Variants in DNM3 observed in about 807,000 individuals in gnomAD.
The protein encoded by DNM3 is dynamin-3.
A neutral mutation model predicts 101.6 loss-of-function variants in DNM3; 47 were observed. The observed-to-expected ratio is 0.46, with a 90% confidence interval of 0.37 to 0.59. The LOEUF (loss-of-function observed/expected upper bound fraction) is 0.59, where lower values mean the gene tolerates loss of function less well. Among genes scored for constraint, DNM3 ranks in the 20% least tolerant of loss-of-function variants. The pLI is 0.00. For synonymous variants in DNM3, 385 were observed against 387.9 expected (o/e 0.99, Z 0.09); for missense variants, 849 against 1,085.7 (o/e 0.78, Z 3.06).
chr1:172,020,712 A>C (rs1480588507), intron 4 of DNM3, among the ~76,000 whole-genome samples: 4 of 104,868 alleles, frequency 3.8e-5, no homozygotes, highest in Admixed American at 1.1e-4. Context: ...CGACAGTGTG[A>C]GACTCCGTCA....
intron 14 of DNM3, among the ~76,000 whole-genome samples, chr1:172,249,040 G>A (rs2062065737): frequency 6.6e-6 from 1 of 152,166 alleles, no homozygotes; most frequent in Admixed American, 6.5e-5. Context: ...TTCAAGTTAT[G>A]AAACTCCCTA....
At chr1:171,968,449 A>C (rs1051223078) in intron 2 of DNM3, among the ~76,000 whole-genome samples, 11 of 152,236 alleles carry the variant, frequency 7.2e-5, no homozygotes, top group African/African-American at 2.4e-4. Flanking sequence ...GAAGGCAGAA[A>C]CGGAAAACCA....
intron 15 of DNM3, among the ~76,000 whole-genome samples, chr1:172,285,455 T>C (rs1043217518): frequency 2.0e-5 from 3 of 152,088 alleles, no homozygotes; most frequent in Non-Finnish European, 4.4e-5. Flanking sequence ...GTTGGTGATT[T>C]CCCTGGGTGG....
intron 15 of DNM3, among the ~76,000 whole-genome samples, chr1:172,274,871 C>T (rs948633221): frequency 2.6e-5 from 4 of 151,896 alleles, no homozygotes; most frequent in Non-Finnish European, 5.9e-5. Context: ...ACAAGACAGA[C>T]TAGTCCACTG....
chr1:172,201,841 TG>T (rs1056363887), intron 14 of DNM3, among the ~76,000 whole-genome samples: 3 of 152,118 alleles, frequency 2.0e-5, no homozygotes, highest in Non-Finnish European at 4.4e-5. Flanking sequence ...TGAGGAGATA[TG>T]GGAACGGACA....
chr1:172,038,272 T>C (rs1297641903), intron 6 of DNM3, 47 bp from the exon 7 acceptor site: 4 of 1,607,488 alleles, frequency 2.5e-6, no homozygotes, highest in Non-Finnish European at 3.4e-6. Flanking sequence ...TTAATCTGTG[T>C]ATATGATTCA....
chr1:171,909,334 G>C (rs2039094630), intron 1 of DNM3, among the ~76,000 whole-genome samples: 1 of 151,940 alleles, frequency 6.6e-6, no homozygotes, highest in South Asian at 2.1e-4. Flanking sequence ...TTGGGAGGCT[G>C]AGGTGGGAGA....
intron 15 of DNM3, among the ~76,000 whole-genome samples, chr1:172,262,991 G>T (rs79230442): frequency 1.3e-5 from 2 of 152,080 alleles, no homozygotes; most frequent in Non-Finnish European, 2.9e-5. Context: ...CGGGGAGGAG[G>T]CAATTGATAA....
chr1:172,120,923 T>G (rs867157600), intron 13 of DNM3, among the ~76,000 whole-genome samples: 13 of 152,198 alleles, frequency 8.5e-5, no homozygotes, highest in African/African-American at 3.1e-4. Context: ...ACCTCTAAGG[T>G]GCTCACTAAC....
intron 1 of DNM3, among the ~76,000 whole-genome samples, chr1:171,883,345 TA>T (rs576707036): frequency 7.0e-6 from 1 of 143,870 alleles, no homozygotes; most frequent in African/African-American, 2.6e-5. Flanking sequence ...ACTCCATCTC[TA>T]AAAAAACAAA....
intron 6 of DNM3, among the ~76,000 whole-genome samples, chr1:172,037,013 T>C (rs2049019896): frequency 6.6e-6 from 1 of 152,134 alleles, no homozygotes; most frequent in South Asian, 2.1e-4. Flanking sequence ...AAAGAAGAGA[T>C]TTATGCAGCC....
intron 20 of DNM3, among the ~76,000 whole-genome samples, chr1:172,391,763 A>T (rs1297711281): frequency 6.6e-6 from 1 of 151,484 alleles, no homozygotes; most frequent in Admixed American, 6.6e-5. Flanking sequence ...CTCCTCTTGT[A>T]TCTGAAACCA....
chr1:172,308,706 T>A (rs1213572763), intron 15 of DNM3, 22 bp from the exon 16 acceptor site: 13 of 177,614 alleles, frequency 7.3e-5, no homozygotes, highest in Non-Finnish European at 1.1e-4. Context: ...AAAAGCATGA[T>A]TTTTTTTTTT....
chr1:172,152,672 G>A (rs1039417699), intron 14 of DNM3, among the ~76,000 whole-genome samples: 3 of 152,096 alleles, frequency 2.0e-5, no homozygotes, highest in Non-Finnish European at 4.4e-5. Flanking sequence ...TTTGTCCTGT[G>A]TATGTATATG....
chr1:172,401,894 G>A (rs938062465), intron 20 of DNM3, among the ~76,000 whole-genome samples: 14 of 152,044 alleles, frequency 9.2e-5, no homozygotes, highest in South Asian at 4.1e-4. Flanking sequence ...CAAATACATC[G>A]CTGAAATTTA....
intron 13 of DNM3, among the ~76,000 whole-genome samples, chr1:172,101,989 G>A (rs1054346388): frequency 1.1e-4 from 16 of 152,132 alleles, no homozygotes; most frequent in South Asian, 4.2e-4. Context: ...CTCCTGGGCA[G>A]CTGGAATTAC....
chr1:172,163,626 C>T (rs1055192357), intron 14 of DNM3, among the ~76,000 whole-genome samples: 9 of 151,944 alleles, frequency 5.9e-5, no homozygotes, highest in African/African-American at 2.2e-4. Flanking sequence ...CTTTGAGCAA[C>T]ACTTCCCCAT....
intron 17 of DNM3, among the ~76,000 whole-genome samples, chr1:172,353,183 A>C (rs1193586898): frequency 6.6e-6 from 1 of 152,078 alleles, no homozygotes; most frequent in Non-Finnish European, 1.5e-5. Flanking sequence ...AGATGCTGTC[A>C]TTTATTCTAT....
intron 11 of DNM3, among the ~76,000 whole-genome samples, chr1:172,074,399 G>T (rs2052462195): frequency 6.6e-6 from 1 of 152,076 alleles, no homozygotes. Flanking sequence ...ACGCGCCATG[G>T]TGGTTTGCTG....
Sources: allele counts gnomAD v4.1 joint callset (sites outside exome capture counted in the v4.1 genomes callset), GRCh38; gene constraint gnomAD v4.1.1; transcripts MANE v1.5; gene names NCBI Gene and HGNC (gene_info 2026-07-23, HGNC 2026-07-21).